The following LINGO2 variants were observed in gnomAD, a reference collection of about 807,000 sequenced individuals.
LINGO2 encodes the protein leucine-rich repeat and immunoglobulin-like domain-containing nogo receptor-interacting protein 2.
LINGO2 carries 14 observed loss-of-function variants against 30.6 expected under a neutral mutation model. That is an observed-to-expected ratio of 0.46 (90% confidence interval 0.30 to 0.72). The LOEUF (loss-of-function observed/expected upper bound fraction) is 0.72, where lower values mean the gene tolerates loss of function less well. Among genes scored for constraint, LINGO2 ranks in the 30% least tolerant of loss-of-function variants. The pLI, the probability that LINGO2 is intolerant of heterozygous loss-of-function variation, is 0.07. For missense variants in LINGO2, 729 were observed against 751.7 expected, an observed-to-expected ratio of 0.97 and a Z score of 0.35; for synonymous variants, 317 against 288.5, an observed-to-expected ratio of 1.10 and a Z score of -1.00.
intron 1 of LINGO2, among the ~76,000 whole-genome samples, chr9:28,591,948 TG>T (rs1257079184): frequency 6.6e-6 from 1 of 151,988 alleles, no homozygotes; most frequent in East Asian, 1.9e-4. Flanking sequence ...GCAATCACAA[TG>T]GGCAGAAGCC....
At chr9:29,108,744 C>G in the LINGO2 span, among the ~76,000 whole-genome samples, 1 of 152,152 alleles carries the variant, frequency 6.6e-6, no homozygotes, top group Non-Finnish European at 1.5e-5. Context: ...ATTACATGAG[C>G]TTGACTACAG....
At chr9:28,835,694 A>T in the LINGO2 span, among the ~76,000 whole-genome samples, 1 of 152,054 alleles carries the variant, frequency 6.6e-6, no homozygotes, top group Non-Finnish European at 1.5e-5. Flanking sequence ...GCTTGCTAAC[A>T]TTTTCTTTTT....
intron 1 of LINGO2, among the ~76,000 whole-genome samples, chr9:28,483,990 G>T (rs957562674): frequency 1.3e-5 from 2 of 152,050 alleles, no homozygotes; most frequent in African/African-American, 2.4e-5. Context: ...TAGAGAGAAA[G>T]AAATACCACC....
chr9:29,132,927 C>T, the LINGO2 span, among the ~76,000 whole-genome samples: 4 of 151,798 alleles, frequency 2.6e-5, no homozygotes, highest in African/African-American at 7.3e-5. Context: ...CACTTTGTTG[C>T]CCAGGCTGAA....
At chr9:28,505,506 T>C (rs1479299112) in intron 1 of LINGO2, among the ~76,000 whole-genome samples, 2 of 151,966 alleles carry the variant, frequency 1.3e-5, no homozygotes, top group Non-Finnish European at 2.9e-5. Context: ...TGACCGATGA[T>C]ACATTGAATT....
At chr9:29,205,645 G>A in the LINGO2 span, among the ~76,000 whole-genome samples, 2 of 152,192 alleles carry the variant, frequency 1.3e-5, no homozygotes, top group Admixed American at 6.5e-5. Context: ...TAAATATTAG[G>A]AAGATTTTAT....
chr9:28,848,407 A>G, the LINGO2 span, among the ~76,000 whole-genome samples: 1,400 of 113,312 alleles, frequency 0.012, 31 homozygotes, highest in Non-Finnish European at 0.018. Flanking sequence ...GTATATATAT[A>G]TATATATATA....
chr9:29,100,301 A>G, the LINGO2 span, among the ~76,000 whole-genome samples: 1 of 152,162 alleles, frequency 6.6e-6, no homozygotes, highest in Non-Finnish European at 1.5e-5. Flanking sequence ...GGGGATGGTT[A>G]ATAGCTACAA....
At chr9:28,338,767 C>T (rs1487153400) in intron 3 of LINGO2, among the ~76,000 whole-genome samples, 1 of 152,038 alleles carries the variant, frequency 6.6e-6, no homozygotes, top group Non-Finnish European at 1.5e-5. Context: ...TCCTGCTTCC[C>T]CTTCCACCAT....
chr9:28,512,648 TACAC>T (rs1157745484), intron 1 of LINGO2, among the ~76,000 whole-genome samples: 2 of 92,034 alleles, frequency 2.2e-5, no homozygotes, highest in Admixed American at 1.3e-4. Context: ...CACACATACA[TACAC>T]ACACACACAC....
At chr9:28,515,330 C>T (rs1287569343) in intron 1 of LINGO2, among the ~76,000 whole-genome samples, 1 of 151,738 alleles carries the variant, frequency 6.6e-6, no homozygotes, top group Non-Finnish European at 1.5e-5. Flanking sequence ...CCTCAGCCTC[C>T]TGAGTAGCTG....
the LINGO2 span, among the ~76,000 whole-genome samples, chr9:28,935,387 T>A: frequency 1.3e-5 from 2 of 152,110 alleles, no homozygotes; most frequent in Non-Finnish European, 2.9e-5. Flanking sequence ...TATTTCTTTT[T>A]CTTATTCCAT....
the LINGO2 span, among the ~76,000 whole-genome samples, chr9:29,143,906 C>T: frequency 6.6e-6 from 1 of 152,058 alleles, no homozygotes; most frequent in African/African-American, 2.4e-5. Flanking sequence ...GTTTGGGTTG[C>T]ACATTAAAGT....
chr9:28,069,863 T>G (rs1317407947), intron 4 of LINGO2, among the ~76,000 whole-genome samples: 2 of 152,154 alleles, frequency 1.3e-5, no homozygotes, highest in African/African-American at 4.8e-5. Flanking sequence ...TAAAATAGTT[T>G]GCTTAACTGC....
At chr9:28,050,337 T>C (rs1824614475) in intron 4 of LINGO2, among the ~76,000 whole-genome samples, 1 of 150,640 alleles carries the variant, frequency 6.6e-6, no homozygotes, top group African/African-American at 2.5e-5. Context: ...AAAATACACT[T>C]TGGTTAAAGC....
At chr9:28,509,552 T>C (rs1820286999) in intron 1 of LINGO2, among the ~76,000 whole-genome samples, 1 of 152,184 alleles carries the variant, frequency 6.6e-6, no homozygotes, top group South Asian at 2.1e-4. Context: ...CCTATCAAAA[T>C]TTGTATGTTA....
chr9:28,597,243 G>C (rs1050144784), intron 1 of LINGO2, among the ~76,000 whole-genome samples: 11 of 152,080 alleles, frequency 7.2e-5, no homozygotes, highest in African/African-American at 2.4e-4. Context: ...TAGAGAAAAA[G>C]GCTGAAAAGT....
At chr9:27,950,360 G>T in exon 6 of LINGO2, 3 of 1,614,180 alleles carry the variant, frequency 1.9e-6, no homozygotes, top group Non-Finnish European at 1.7e-6. Context: ...GCAGGTTAAA[G>T]AGATTGTTGA....
chr9:28,990,770 C>T, the LINGO2 span, among the ~76,000 whole-genome samples: 1 of 152,082 alleles, frequency 6.6e-6, no homozygotes, highest in Admixed American at 6.6e-5. Context: ...CCTTAGCAAA[C>T]TCCAACAGAC....
Sources: allele counts gnomAD v4.1 joint callset (sites outside exome capture counted in the v4.1 genomes callset), GRCh38; gene constraint gnomAD v4.1.1; transcripts MANE v1.5; gene names NCBI Gene and HGNC (gene_info 2026-07-23, HGNC 2026-07-21).